CADM2: variants seen among roughly 807,000 people sequenced by gnomAD.
CADM2 encodes the protein cell adhesion molecule 2.
CADM2 carries 12 observed loss-of-function variants against 49.8 expected under a neutral mutation model. The observed-to-expected ratio is 0.24, with a 90% CI of 0.15 to 0.39. The LOEUF (loss-of-function observed/expected upper bound fraction) is 0.39, where lower values mean the gene tolerates loss of function less well. CADM2 is among the 10% of genes least tolerant of loss of function. The probability of loss-of-function intolerance (pLI) is 1.00; values close to 1 mark genes in which losing one functional copy is unlikely to be tolerated. For synonymous variants in CADM2, 214 were observed against 175.4 expected (o/e 1.22, Z -1.74); for missense variants, 378 against 492.3 (o/e 0.77, Z 2.20).
intron 6 of CADM2, among the ~76,000 whole-genome samples, chr3:85,928,690 C>G (rs535430458): frequency 6.6e-6 from 1 of 152,140 alleles, no homozygotes; most frequent in Non-Finnish European, 1.5e-5. Context: ...TAGTTGGATA[C>G]TTACAAGTAC....
chr3:85,367,181 T>C (rs1559803073), intron 1 of CADM2, among the ~76,000 whole-genome samples: 1 of 152,102 alleles, frequency 6.6e-6, no homozygotes, highest in Non-Finnish European at 1.5e-5. Context: ...TAGCATGTTA[T>C]TTGAAAAACC....
chr3:85,068,191 G>T (rs1055415741), intron 1 of CADM2, among the ~76,000 whole-genome samples: 1 of 152,194 alleles, frequency 6.6e-6, no homozygotes, highest in South Asian at 2.1e-4. Context: ...GGAAAACTTG[G>T]GGCAGGAATA....
intron 6 of CADM2, among the ~76,000 whole-genome samples, chr3:85,922,039 G>A (rs933869084): frequency 2.4e-4 from 37 of 152,088 alleles, no homozygotes; most frequent in Middle Eastern, 3.4e-3. Context: ...CTTGAAGTTG[G>A]GTAGTGTCAG....
chr3:86,063,944 G>T (rs1296780985), intron 8 of CADM2, among the ~76,000 whole-genome samples: 1 of 151,916 alleles, frequency 6.6e-6, no homozygotes, highest in Non-Finnish European at 1.5e-5. Context: ...TTATTGCCCA[G>T]GTCTTCACTC....
At chr3:85,255,326 G>C (rs554051944) in intron 1 of CADM2, among the ~76,000 whole-genome samples, 2 of 152,066 alleles carry the variant, frequency 1.3e-5, no homozygotes, top group African/African-American at 4.8e-5. Context: ...TCACTTAAAG[G>C]TATTTAAAGA....
At chr3:85,946,289 C>A (rs1401827494) in intron 7 of CADM2, among the ~76,000 whole-genome samples, 4 of 150,084 alleles carry the variant, frequency 2.7e-5, no homozygotes, top group Non-Finnish European at 4.4e-5. Context: ...AGGACACAAT[C>A]AAATGGAGGA....
intron 1 of CADM2, among the ~76,000 whole-genome samples, chr3:85,435,281 T>C (rs943822926): frequency 1.3e-5 from 2 of 152,068 alleles, no homozygotes; most frequent in Non-Finnish European, 2.9e-5. Flanking sequence ...GGTTTCCTGT[T>C]CCTCTGTTAC....
intron 1 of CADM2, among the ~76,000 whole-genome samples, chr3:85,009,878 A>AATAC (rs1332592977): frequency 6.9e-6 from 1 of 144,586 alleles, no homozygotes; most frequent in Non-Finnish European, 1.6e-5. Context: ...TAAATAAATA[A>AATAC]ATAAATAAAT....
At position 85,104,468 on chromosome 3, in the gene CADM2, T is replaced by C. The variant is rs1213452460; in HGVS notation, c.61+144800T>C. Reference sequence around the variant, plus strand: ...ACCAGTACCATGCTGTTTTGGTTACTGTAGGCTTGTAGTATAGTTTGAAGT... The same window carrying C: ...ACCAGTACCATGCTGTTTTGGTTACCGTAGGCTTGTAGTATAGTTTGAAGT... On this transcript the variant is annotated intron_variant, in intron 1 of 9. Coordinates refer to ENST00000383699, the MANE Select transcript of CADM2 (RefSeq NM_001167675.2). 3.3e-5 allele frequency among the ~76,000 whole-genome samples: 5 copies of C among 152,318 alleles called. No homozygotes were observed. In the East Asian group the frequency reaches 9.7e-4, roughly 29 times the overall value.
intron 7 of CADM2, among the ~76,000 whole-genome samples, chr3:85,946,455 A>G (rs1043292074): frequency 1.2e-4 from 19 of 152,158 alleles, no homozygotes; most frequent in African/African-American, 4.6e-4. Flanking sequence ...GAACCAAAAA[A>G]GAGCCCGCAT....
intron 3 of CADM2, among the ~76,000 whole-genome samples, chr3:85,855,816 CGGGGT>C (rs1405010001): frequency 1.3e-5 from 2 of 151,354 alleles, no homozygotes. Flanking sequence ...TTAGTAGAGA[CGGGGT>C]TTCACTGTGT....
At chr3:85,322,281 T>A (rs1484412484) in intron 1 of CADM2, among the ~76,000 whole-genome samples, 1 of 152,238 alleles carries the variant, frequency 6.6e-6, no homozygotes, top group Non-Finnish European at 1.5e-5. Context: ...CGGTAGCATG[T>A]CCTATTCTAT....
intron 1 of CADM2, among the ~76,000 whole-genome samples, chr3:85,273,687 T>G (rs2043296442): frequency 6.6e-6 from 1 of 150,466 alleles, no homozygotes; most frequent in Non-Finnish European, 1.5e-5. Flanking sequence ...GATTAGAATT[T>G]TGGTTTTAGA....
intron 7 of CADM2, among the ~76,000 whole-genome samples, chr3:85,956,655 G>GTTT (rs77456661): frequency 7.5e-6 from 1 of 133,974 alleles, no homozygotes. Context: ...CTTTGAGGAA[G>GTTT]TTTTTTTTTT....
intron 8 of CADM2, among the ~76,000 whole-genome samples, chr3:86,058,716 A>G (rs1318120631): frequency 6.6e-6 from 1 of 152,112 alleles, no homozygotes; most frequent in Non-Finnish European, 1.5e-5. Flanking sequence ...TTTAAATAAA[A>G]TGATTTACAT....
intron 1 of CADM2, among the ~76,000 whole-genome samples, chr3:85,075,034 C>T (rs2036890410): frequency 6.6e-6 from 1 of 151,878 alleles, no homozygotes. Context: ...GTTTTGCACT[C>T]CAAGAGCACT....
At chr3:85,404,714 T>G (rs1317826703) in intron 1 of CADM2, among the ~76,000 whole-genome samples, 5 of 152,158 alleles carry the variant, frequency 3.3e-5, no homozygotes, top group Admixed American at 3.3e-4. Context: ...GAATAGGATG[T>G]ATGATGGCTT....
chr3:85,778,317 T>C (rs1162887223), intron 2 of CADM2, among the ~76,000 whole-genome samples: 2 of 152,160 alleles, frequency 1.3e-5, no homozygotes, highest in East Asian at 1.9e-4. Flanking sequence ...ATAAAAATGC[T>C]CATTTTAAAA....
chr3:85,761,901 C>T (rs1056986635), intron 2 of CADM2, among the ~76,000 whole-genome samples: 1 of 152,100 alleles, frequency 6.6e-6, no homozygotes, highest in Non-Finnish European at 1.5e-5. Context: ...AGCTGAGGGT[C>T]GTCCAACAGG....
Sources: allele counts gnomAD v4.1 joint callset (sites outside exome capture counted in the v4.1 genomes callset), GRCh38; gene constraint gnomAD v4.1.1; transcripts MANE v1.5; gene names NCBI Gene and HGNC (gene_info 2026-07-23, HGNC 2026-07-21).